Variants in WDR17 observed in about 807,000 individuals in gnomAD.
WDR17 encodes the protein WD repeat domain 17.
In WDR17, 143 loss-of-function variants were observed where a neutral mutation model predicts 161.7. That is an observed-to-expected ratio of 0.88 (90% CI 0.77 to 1.02). The LOEUF is 1.02. Ranked by LOEUF, WDR17 falls within the 50% of genes least tolerant of loss-of-function variation. WDR17 has a pLI of 0.00. For missense variants in WDR17, 1,469 were observed against 1,520.9 expected (o/e 0.97, Z 0.57); for synonymous variants, 517 against 515.6 (o/e 1.00, Z -0.04).
chr4:176,135,150 G>T lies in WDR17; in HGVS notation c.1141G>T (p.Asp381Tyr). The part of the protein sequence containing the change: ...TIFDCKFKPD[D>Y]PNLLATASFD... ...CTTTGACTGCAAATTCAAACCTGAC[G>T]ATCCTAATCTTTTAGCAACAGCTTC... The change falls in exon 8 of 29, where the codon GAT (aspartate) becomes TAT (tyrosine). Residue 381 changes from aspartate to tyrosine, a missense_variant. Transcript: ENST00000508596. The T allele has an allele frequency of 6.2e-7, 1 of 1,612,190 alleles. No homozygotes were observed. Among genetic ancestry groups the T allele is most frequent in the Non-Finnish European group, 8.5e-7 (1 of 1,178,600 alleles).
chr4:176,136,405 T>C (rs1339063250), intron 8 of WDR17, among the ~76,000 whole-genome samples: 2 of 151,624 alleles, frequency 1.3e-5, no homozygotes, highest in African/African-American at 4.8e-5. Flanking sequence ...TACAAAAGTA[T>C]TTGTCTGAAA....
chr4:176,128,156 G>A (rs1308066037), intron 5 of WDR17, among the ~76,000 whole-genome samples: 1 of 152,132 alleles, frequency 6.6e-6, no homozygotes, highest in Non-Finnish European at 1.5e-5. Context: ...TTATAATTCT[G>A]TTGAGTATTT....
At chr4:176,147,408 A>T (rs1012850312) in intron 12 of WDR17, among the ~76,000 whole-genome samples, 1 of 152,180 alleles carries the variant, frequency 6.6e-6, no homozygotes, top group Admixed American at 6.5e-5. Flanking sequence ...AATAGATACA[A>T]GTAATTTCAC....
rs1296766279 is a variant in WDR17 at position 176,109,767 on chromosome 4, C to T, written c.-6-1808C>T. ...TGGAAGGTTCAGGGTGTACACTGAA[C>T]AAGCTTCTATAAGACTTGAGATGTA... On this transcript the variant is annotated intron_variant, in intron 1 of 28. Coordinates refer to ENST00000508596, the MANE Select transcript of WDR17 (RefSeq NM_181265.4). 2.0e-5 allele frequency among the ~76,000 whole-genome samples: 3 copies of T among 152,118 alleles called. No homozygotes were observed. The East Asian group carries it at 5.8e-4, about 29-fold the overall frequency.
rs147272076 is a variant in WDR17 at position 176,160,948 on chromosome 4, C to T, written c.2696C>T (p.Ser899Phe). 4.6e-3 allele frequency: 7,343 copies of T among 1,610,210 alleles called. 18 individuals carry two copies. Among genetic ancestry groups the T allele is most frequent in the Non-Finnish European group, 5.6e-3 (6,631 of 1,178,340 alleles). Residue 899 changes from serine (S) to phenylalanine (F), a missense_variant, in exon 20 of 29, where the codon TCC becomes TTC. By Grantham distance (155) the Ser-to-Phe change is radical (BLOSUM62 -2). Transcript: ENST00000508596. ...CEGNMQPLHV[S>F]VPKGASYSDD... ...GGAAATATGCAGCCCTTACATGTTTCCGTGCCTAAAGGAGCTTCATATTCT... is the reference window on the plus strand; with the variant it reads ...GGAAATATGCAGCCCTTACATGTTTTCGTGCCTAAAGGAGCTTCATATTCT...
chr4:176,148,273 T>A lies in WDR17; in HGVS notation c.1835T>A (p.Val612Glu). The A allele has an allele frequency of 6.2e-7, 1 of 1,614,016 alleles. No homozygotes were observed. Among genetic ancestry groups the A allele is most frequent in the Middle Eastern group, 1.7e-4 (1 of 6,060 alleles). The change falls in exon 13 of 29, where the codon GTA (valine) becomes GAA (glutamate). Residue 612 changes from valine to glutamate, a missense_variant. Transcript: ENST00000508596. ...GGCAGCTGGGACTATACTATAAAAG[T>A]ATGGGACACTCGAGAAGGAACTTGT... is the stretch of plus-strand genomic sequence containing the variant. ...ISGSWDYTIKVWDTREGTCVD... is the reference protein window; with the variant it reads ...ISGSWDYTIKEWDTREGTCVD...
At chr4:176,146,997 G>T (rs1746280486) in intron 12 of WDR17, among the ~76,000 whole-genome samples, 1 of 151,988 alleles carries the variant, frequency 6.6e-6, no homozygotes, top group South Asian at 2.1e-4. Context: ...CTCCCTAGTA[G>T]CTGGGACTAC....
At chr4:176,170,631 A>G (rs1370711729) in intron 23 of WDR17, among the ~76,000 whole-genome samples, 2 of 152,216 alleles carry the variant, frequency 1.3e-5, no homozygotes, top group Non-Finnish European at 2.9e-5. Context: ...ATTATTTTCT[A>G]GTGCAAGCTA....
intron 28 of WDR17, among the ~76,000 whole-genome samples, chr4:176,178,110 T>C (rs1751738489): frequency 6.7e-6 from 1 of 148,402 alleles, no homozygotes; most frequent in Non-Finnish European, 1.5e-5. Context: ...AAGTCACATT[T>C]CTAATGCTTC....
intron 2 of WDR17, among the ~76,000 whole-genome samples, chr4:176,112,808 A>C (rs1739986654): frequency 6.6e-6 from 1 of 152,126 alleles, no homozygotes; most frequent in Non-Finnish European, 1.5e-5. Flanking sequence ...CATTCATTAA[A>C]TGTCTTAAAT....
Position 176,125,310 on chromosome 4 carries a change from T to C in WDR17, c.745T>C (p.Cys249Arg). ...NLPSAAASVQ[C>R]LAWVPSAPGM... The stretch of plus-strand genomic sequence containing the variant: ...TCCCAGTGCAGCAGCTTCTGTACAG[T>C]GCTTAGCCTGGGTTCCCAGTGCTCC... The change falls in exon 5 of 29, where the codon TGC becomes CGC. Residue 249 changes from cysteine (C) to arginine (R), a missense_variant. Physicochemically the swap from Cys to Arg is radical, Grantham distance 180. Transcript: ENST00000508596. 6.2e-7 allele frequency: 1 copy of C among 1,614,184 alleles called. No individual in the cohort carries two copies. The highest frequency in any genetic ancestry group is 8.5e-7 in the Non-Finnish European group (1 of 1,180,022).
intron 18 of WDR17, among the ~76,000 whole-genome samples, chr4:176,156,579 G>T (rs990220603): frequency 1.3e-5 from 2 of 151,662 alleles, no homozygotes; most frequent in South Asian, 4.2e-4. Flanking sequence ...GATAAAGAAG[G>T]GTCTGACCAC....
chr4:176,103,252 T>G (rs574846599), intron 1 of WDR17, among the ~76,000 whole-genome samples: 1 of 152,274 alleles, frequency 6.6e-6, no homozygotes, highest in Admixed American at 6.5e-5. Flanking sequence ...GTAGTCCTTA[T>G]GTTTATACCT....
At position 176,177,511 on chromosome 4, in the gene WDR17, C is replaced by A; in HGVS notation, c.3589C>A (p.Gln1197Lys). Residue 1197 changes from glutamine to lysine, a missense_variant, in exon 28 of 29, where the codon CAA becomes AAA. Coordinates refer to ENST00000508596, the MANE Select transcript of WDR17 (RefSeq NM_181265.4). ...DSPYTPPSDS[Q>K]RMIYATLLKR... The stretch of plus-strand genomic sequence containing the variant: ...TCCGTATACACCCCCTTCTGATTCA[C>A]AAAGAATGATTTATGCAACTTTATT... The A allele has an allele frequency of 1.9e-6, 3 of 1,583,378 alleles. No homozygotes were observed. Among genetic ancestry groups the A allele is most frequent in the Non-Finnish European group, 2.6e-6 (3 of 1,171,624 alleles).
rs34628181 is a variant in WDR17 at position 176,182,405 on chromosome 4, G to GTATATATATA, written c.*2842_*2851dup. 4 of 148,698 alleles carry GTATATATATA rather than the reference G, an allele frequency of 2.7e-5. No homozygotes were observed. The highest frequency in any genetic ancestry group is 9.9e-5 in the African/African-American group (4 of 40,504). 9.2% of individuals were successfully genotyped at this position (148,698 alleles called of 1,614,324 possible). On this transcript the variant is annotated 3_prime_UTR_variant, in exon 29 of 29. Coordinates refer to ENST00000508596, the MANE Select transcript of WDR17 (RefSeq NM_181265.4). The surrounding 1 kb of genome is among the most constrained non-coding windows in gnomAD (Gnocchi z 4.2). ...AATATATATATGTGCGTGTGTGTGT[G>GTATATATATA]TATATATATATATATATATATATAT...
Position 176,125,300 on chromosome 4 carries a change from T to C in WDR17, c.735T>C (p.Ala245=). ...CATTTAATCTTCCCAGTGCAGCAGCTTCTGTACAGTGCTTAGCCTGGGTTC... is the reference window on the plus strand; with the variant it reads ...CATTTAATCTTCCCAGTGCAGCAGCCTCTGTACAGTGCTTAGCCTGGGTTC... The part of the protein sequence containing the change: ...ITTFNLPSAA[A]SVQCLAWVPS... Residue 245 remains alanine, a synonymous_variant, in exon 5 of 29, where the codon GCT becomes GCC. Coordinates refer to ENST00000508596, the MANE Select transcript of WDR17 (RefSeq NM_181265.4). The C allele has an allele frequency of 6.2e-7, 1 of 1,614,182 alleles. No homozygotes were observed. The highest frequency in any genetic ancestry group is 8.5e-7 in the Non-Finnish European group (1 of 1,180,026).
intron 8 of WDR17, 139 bp from the exon 9 acceptor site, chr4:176,137,381 C>G: frequency 1.7e-6 from 1 of 604,854 alleles, no homozygotes; most frequent in South Asian, 2.2e-5. Flanking sequence ...TAATTTTATA[C>G]AGTTAATAAT....
chr4:176,108,399 T>A (rs1193406569), intron 1 of WDR17, among the ~76,000 whole-genome samples: 2 of 152,012 alleles, frequency 1.3e-5, no homozygotes, highest in Non-Finnish European at 2.9e-5. Flanking sequence ...AAAGATTAGT[T>A]GTTGCCAGGA....
intron 6 of WDR17, among the ~76,000 whole-genome samples, chr4:176,130,590 A>G (rs1743241381): frequency 1.4e-5 from 1 of 71,890 alleles, no homozygotes; most frequent in African/African-American, 4.0e-5. Context: ...TAAAAATACA[A>G]AAAAATTAGC....
Sources: gnomAD v4.1 joint callset for allele counts (sites outside exome capture counted in the v4.1 genomes callset) on GRCh38, gnomAD v4.1.1 for gene constraint, Gnocchi (gnomAD v3.1) non-coding constraint, MANE v1.5 for transcripts, NCBI Gene and HGNC (gene_info 2026-07-23, HGNC 2026-07-21) for gene names.